Variants in SUMF1 observed in about 807,000 individuals in gnomAD.
SUMF1 encodes sulfatase modifying factor 1.
Under a neutral mutation model 47.6 loss-of-function variants are expected in SUMF1, and 48 were observed. The observed-to-expected ratio is 1.01, with a 90% CI of 0.80 to 1.28. The LOEUF is 1.28. Ranked by LOEUF, SUMF1 falls within the 50% of genes most tolerant of loss-of-function variation. The pLI is 0.00. For missense variants in SUMF1, 571 were observed against 485.4 expected (o/e 1.18, Z -1.66); for synonymous variants, 230 against 192.1 (o/e 1.20, Z -1.63).
chr3:4,331,047 G>C (rs1313483458), intron 8 of SUMF1, among the ~76,000 whole-genome samples: 2 of 151,882 alleles, frequency 1.3e-5, no homozygotes, highest in Non-Finnish European at 2.9e-5. Flanking sequence ...TTAAATTTTA[G>C]ACAACTTAAC....
intron 8 of SUMF1, among the ~76,000 whole-genome samples, chr3:4,117,660 A>G (rs1693452643): frequency 6.6e-6 from 1 of 152,094 alleles, no homozygotes; most frequent in South Asian, 2.1e-4. Context: ...GAGGACAATA[A>G]TACCTAATTC....
rs7621274 is a variant in SUMF1 at position 4,172,185 on chromosome 3, T to C, written c.1015-103440A>G. Among the ~76,000 whole-genome samples, 94 of 152,240 alleles carry C rather than the reference T, an allele frequency of 6.2e-4. 1 individual carries two copies. The highest frequency in any genetic ancestry group is 2.1e-3 in the African/African-American group (88 of 41,540). ...AATATTTAGAAAATTCAATTAGCAA[T>C]ACATAGAAGTTGATTGAACTTTGCA... On this transcript the variant is annotated intron_variant and NMD_transcript_variant, in intron 8 of 12. Transcript: ENST00000448413.
chr3:4,450,495 GACTA>G (rs1241473837), intron 2 of SUMF1, among the ~76,000 whole-genome samples: 1 of 152,060 alleles, frequency 6.6e-6, no homozygotes, highest in Non-Finnish European at 1.5e-5. Context: ...ACACTGCCAT[GACTA>G]ACTACCTAAG....
chr3:4,372,689 C>T lies in SUMF1; in HGVS notation c.1014+3641G>A, dbSNP rs116721368. On this transcript the variant is annotated intron_variant, in intron 8 of 8. Transcript: ENST00000272902. ...TTATATTATGTTACAAATGTAAAAA[C>T]TGAGGCTTAGAAAGATTAAGTAATT... Among the ~76,000 whole-genome samples, 793 of 152,270 alleles carry T rather than the reference C, an allele frequency of 5.2e-3. 8 individuals are homozygous for T. Among genetic ancestry groups the T allele is most frequent in the African/African-American group, 0.018 (757 of 41,540 alleles).
intron 8 of SUMF1, among the ~76,000 whole-genome samples, chr3:4,137,311 C>A (rs186024364): frequency 6.6e-6 from 1 of 151,938 alleles, no homozygotes; most frequent in African/African-American, 2.4e-5. Context: ...GATGAGTTCA[C>A]GTCCTTTGTA....
At chr3:4,383,511 G>A (rs74596557) in intron 7 of SUMF1, among the ~76,000 whole-genome samples, 3,859 of 152,280 alleles carry the variant, frequency 0.025, 70 homozygotes, top group Non-Finnish European at 0.034. Flanking sequence ...GTGGCACGGG[G>A]CAATTCTATA....
intron 8 of SUMF1, among the ~76,000 whole-genome samples, chr3:4,353,737 T>C (rs1429668323): frequency 2.0e-5 from 3 of 151,950 alleles, no homozygotes; most frequent in Non-Finnish European, 4.4e-5. Context: ...GTCTCTGGGG[T>C]CTCCAGACCA....
chr3:4,169,771 C>A (rs963570851), intron 8 of SUMF1, among the ~76,000 whole-genome samples: 1 of 152,100 alleles, frequency 6.6e-6, no homozygotes, highest in African/African-American at 2.4e-5. Flanking sequence ...AAGAGTGAGG[C>A]TAAATGATAA....
rs572202891 is a variant in SUMF1 at position 4,378,370 on chromosome 3, T to C, written c.955-1981A>G. On this transcript the variant is annotated intron_variant, in intron 7 of 8. Transcript: ENST00000272902. ...CCAAAGGCATATCACTTTTGCACAA[T>C]TGTAAACTCAAAAAAAATCTTAAGT... Among the ~76,000 whole-genome samples, 81 of 152,310 alleles carry C rather than the reference T, an allele frequency of 5.3e-4. No individual in the cohort carries two copies. In the South Asian group the frequency reaches 0.015, roughly 28 times the overall value.
intron 8 of SUMF1, among the ~76,000 whole-genome samples, chr3:4,217,237 C>T (rs1366833263): frequency 6.6e-6 from 1 of 151,500 alleles, no homozygotes; most frequent in Non-Finnish European, 1.5e-5. Context: ...AGCTGGAAAC[C>T]ATCACTCTCA....
chr3:4,375,525 A>C (rs960976408), intron 8 of SUMF1, among the ~76,000 whole-genome samples: 4 of 152,178 alleles, frequency 2.6e-5, no homozygotes, highest in African/African-American at 9.7e-5. Context: ...TGTTTAAGAC[A>C]AAATTTGATA....
At chr3:4,312,885 A>G (rs769985031) in intron 8 of SUMF1, 5 of 1,597,448 alleles carry the variant, frequency 3.1e-6, no homozygotes, top group Non-Finnish European at 4.3e-6. Context: ...TACAGTGTGT[A>G]TATTTTTTAC....
At chr3:4,329,839 T>A (rs66459736) in intron 8 of SUMF1, among the ~76,000 whole-genome samples, 1 of 152,074 alleles carries the variant, frequency 6.6e-6, no homozygotes, top group Admixed American at 6.5e-5. Flanking sequence ...CTTCTAAACA[T>A]AGTTGCAATT....
At chr3:4,195,793 T>C (rs1695414772) in intron 8 of SUMF1, among the ~76,000 whole-genome samples, 1 of 152,150 alleles carries the variant, frequency 6.6e-6, no homozygotes, top group African/African-American at 2.4e-5. Context: ...ACTTTTTTTT[T>C]CAGTTTCACT....
rs1041884352 is a variant in SUMF1, at chr3:4,044,716, T to C, written c.1191+23853A>G. Reference sequence around the variant, plus strand: ...CGACTTACTTAAAATCAAGGCCTTATGCATATTGGAAATTATTCATGATGA... The same window carrying C: ...CGACTTACTTAAAATCAAGGCCTTACGCATATTGGAAATTATTCATGATGA... On this transcript the variant is annotated intron_variant and NMD_transcript_variant, in intron 9 of 12. Coordinates refer to the SUMF1 transcript ENST00000448413. 2.6e-5 allele frequency among the ~76,000 whole-genome samples: 4 copies of C among 152,194 alleles called. No homozygotes were observed. The South Asian group carries it at 8.3e-4, about 32-fold the overall frequency.
At chr3:4,386,975 A>C (rs895135918) in intron 7 of SUMF1, among the ~76,000 whole-genome samples, 2 of 152,022 alleles carry the variant, frequency 1.3e-5, no homozygotes, top group Non-Finnish European at 2.9e-5. Flanking sequence ...GTTTTAAAAA[A>C]TACACTGATG....
intron 6 of SUMF1, among the ~76,000 whole-genome samples, chr3:4,412,252 A>C (rs1482201306): frequency 6.6e-6 from 1 of 152,238 alleles, no homozygotes. Flanking sequence ...GGGAGAAAAA[A>C]AGAATATACC....
chr3:4,275,165 G>A (rs1456382827), intron 8 of SUMF1, among the ~76,000 whole-genome samples: 1 of 152,080 alleles, frequency 6.6e-6, no homozygotes, highest in Non-Finnish European at 1.5e-5. Context: ...TGAGAAATTA[G>A]AAAAAGACCT....
At chr3:4,417,001 A>G in intron 6 of SUMF1, 127 bp downstream of exon 6, 1 of 841,856 alleles carries the variant, frequency 1.2e-6, no homozygotes. Flanking sequence ...GCTACGTGCA[A>G]CAGTGAATGC....
Sources: gnomAD v4.1 joint callset for allele counts (sites outside exome capture counted in the v4.1 genomes callset) on GRCh38, gnomAD v4.1.1 for gene constraint, MANE v1.5 for transcripts, NCBI Gene and HGNC (gene_info 2026-07-23, HGNC 2026-07-21) for gene names.